The following ADGRB3 variants were observed in gnomAD, a reference collection of about 807,000 sequenced individuals.
The protein encoded by ADGRB3 is adhesion G protein-coupled receptor B3.
In ADGRB3, 37 loss-of-function variants were observed where a neutral mutation model predicts 193.4. That is an observed-to-expected ratio of 0.19 (90% CI 0.15 to 0.25). The LOEUF (loss-of-function observed/expected upper bound fraction) is 0.25. Ranked by LOEUF, ADGRB3 falls within the 10% of genes least tolerant of loss-of-function variation. The pLI is 1.00. For synonymous variants in ADGRB3, 690 were observed against 644.2 expected, an observed-to-expected ratio of 1.07 and a Z score of -1.08; for missense variants, 1,637 against 1,852.9, an observed-to-expected ratio of 0.88 and a Z score of 2.14.
intron 3 of ADGRB3, among the ~76,000 whole-genome samples, chr6:68,701,378 A>G (rs1271988213): frequency 6.6e-6 from 1 of 152,194 alleles, no homozygotes; most frequent in Non-Finnish European, 1.5e-5. Context: ...CCAACAGTAG[A>G]CATCAATCAT....
At chr6:68,983,207 T>A (rs1422105200) in intron 10 of ADGRB3, among the ~76,000 whole-genome samples, 1 of 152,004 alleles carries the variant, frequency 6.6e-6, no homozygotes, top group East Asian at 1.9e-4. Context: ...ATATCTCTAA[T>A]AAATATACTT....
At chr6:68,976,447 T>C (rs1768751151) in intron 10 of ADGRB3, among the ~76,000 whole-genome samples, 1 of 152,138 alleles carries the variant, frequency 6.6e-6, no homozygotes, top group South Asian at 2.1e-4. Flanking sequence ...CCTTGAATAA[T>C]GTGGCCGTTA....
At chr6:68,696,490 T>A (rs1237420990) in intron 3 of ADGRB3, among the ~76,000 whole-genome samples, 1 of 151,812 alleles carries the variant, frequency 6.6e-6, no homozygotes, top group East Asian at 1.9e-4. Flanking sequence ...AAATCACAAC[T>A]GAATTAACGA....
intron 3 of ADGRB3, among the ~76,000 whole-genome samples, chr6:68,671,898 A>T (rs1561989829): frequency 6.6e-6 from 1 of 151,702 alleles, no homozygotes; most frequent in Non-Finnish European, 1.5e-5. Context: ...GAGTCCCAGG[A>T]TTTTCTTTAC....
At chr6:69,087,804 A>G (rs1772593450) in intron 17 of ADGRB3, among the ~76,000 whole-genome samples, 1 of 152,228 alleles carries the variant, frequency 6.6e-6, no homozygotes, top group Non-Finnish European at 1.5e-5. Context: ...TTGTTTAGAA[A>G]GGCTTGACTA....
chr6:69,028,411 A>G (rs531832768), intron 13 of ADGRB3, among the ~76,000 whole-genome samples: 23 of 152,312 alleles, frequency 1.5e-4, no homozygotes, highest in African/African-American at 5.3e-4. Context: ...TAAGTTGGAA[A>G]TATATTTGCA....
intron 3 of ADGRB3, among the ~76,000 whole-genome samples, chr6:68,770,339 G>T (rs1245951740): frequency 2.0e-5 from 3 of 152,088 alleles, no homozygotes; most frequent in Admixed American, 2.0e-4. Flanking sequence ...TCGTCACTTT[G>T]CACATTATTT....
intron 15 of ADGRB3, among the ~76,000 whole-genome samples, chr6:69,050,145 GAA>G (rs1347846651): frequency 6.6e-6 from 1 of 152,134 alleles, no homozygotes; most frequent in Non-Finnish European, 1.5e-5. Flanking sequence ...GGAGAGGAAA[GAA>G]TATAAATGAT....
At chr6:69,047,657 G>A (rs1344867038) in intron 13 of ADGRB3, among the ~76,000 whole-genome samples, 2 of 151,846 alleles carry the variant, frequency 1.3e-5, no homozygotes, top group Non-Finnish European at 1.5e-5. Context: ...TATAGATTCT[G>A]ACAGTTCTAT....
intron 3 of ADGRB3, among the ~76,000 whole-genome samples, chr6:68,753,569 A>G (rs990203039): frequency 1.3e-5 from 2 of 152,130 alleles, no homozygotes; most frequent in Non-Finnish European, 2.9e-5. Flanking sequence ...AGGGGCGGTC[A>G]GGGGAGTTAC....
chr6:68,884,729 A>T (rs1765857065), intron 3 of ADGRB3, among the ~76,000 whole-genome samples: 1 of 152,154 alleles, frequency 6.6e-6, no homozygotes, highest in African/African-American at 2.4e-5. Context: ...TGCGCAATAC[A>T]CAAAACATAA....
At chr6:68,973,439 A>T (rs1247951285) in intron 8 of ADGRB3, among the ~76,000 whole-genome samples, 2 of 152,342 alleles carry the variant, frequency 1.3e-5, no homozygotes, top group South Asian at 4.1e-4. Context: ...TCCCCTACTG[A>T]TAACTATAAG....
chr6:68,757,457 A>T (rs1217640384), intron 3 of ADGRB3, among the ~76,000 whole-genome samples: 1 of 152,076 alleles, frequency 6.6e-6, no homozygotes, highest in Non-Finnish European at 1.5e-5. Context: ...TGTCTGACTG[A>T]CTTTTAGTTT....
At chr6:68,866,698 C>T (rs1219783408) in intron 3 of ADGRB3, among the ~76,000 whole-genome samples, 2 of 152,122 alleles carry the variant, frequency 1.3e-5, no homozygotes, top group African/African-American at 4.8e-5. Context: ...ACAATGAAGT[C>T]CAGACTGAGA....
In ADGRB3 at chr6:69,361,529, T is replaced by C; in HGVS notation, c.4239+17T>C. ...TCTTTAGAGGTGAGCCACAGAAGATTAAATTTTTCCTTGATAGTTGAAATA... is the reference window on the plus strand; with the variant it reads ...TCTTTAGAGGTGAGCCACAGAAGATCAAATTTTTCCTTGATAGTTGAAATA... On this transcript the variant is annotated intron_variant, in intron 29 of 31. Transcript: ENST00000370598. 1 of 1,596,666 alleles carries C rather than the reference T, an allele frequency of 6.3e-7. No individual in the cohort carries two copies.
In ADGRB3 at chr6:69,071,193, G is replaced by A. The variant is rs1319416881; in HGVS notation, c.2437-4802G>A. ...CTGCCTGCTCTCTCTTCTGACTTCT[G>A]CACTTTGTGAGGGTAATATAACATA... On this transcript the variant is annotated intron_variant, in intron 16 of 31. Coordinates refer to ENST00000370598, the MANE Select transcript of ADGRB3 (RefSeq NM_001704.3). 2.6e-5 allele frequency among the ~76,000 whole-genome samples: 4 copies of A among 152,160 alleles called. No individual in the cohort carries two copies. The East Asian group carries it at 7.7e-4, about 29-fold the overall frequency.
chr6:69,048,267 C>A lies in ADGRB3; in HGVS notation c.2190C>A (p.Asp730Glu), dbSNP rs768458036. 6.2e-7 allele frequency: 1 copy of A among 1,613,602 alleles called. No individual in the cohort carries two copies. Among genetic ancestry groups the A allele is most frequent in the South Asian group, 1.1e-5 (1 of 91,060 alleles). ...FPMKGRKGMVDWARNSEDRVV... is the reference protein window; with the variant it reads ...FPMKGRKGMVEWARNSEDRVV... Reference sequence around the variant, plus strand: ...TGAAAGGACGGAAGGGAATGGTTGACTGGGCAAGAAACTCAGAAGATAGGG... The same window carrying A: ...TGAAAGGACGGAAGGGAATGGTTGAATGGGCAAGAAACTCAGAAGATAGGG... Residue 730 changes from aspartate to glutamate, a missense_variant, in exon 14 of 32, where the codon GAC becomes GAA. By Grantham distance (45) the Asp-to-Glu change is conservative. Transcript: ENST00000370598.
intron 3 of ADGRB3, among the ~76,000 whole-genome samples, chr6:68,807,951 G>A (rs1179938391): frequency 6.6e-6 from 1 of 151,972 alleles, no homozygotes; most frequent in African/African-American, 2.4e-5. Context: ...TTCCCAGGGT[G>A]TCTCACTTCA....
At chr6:69,073,309 G>A (rs1202670686) in intron 16 of ADGRB3, among the ~76,000 whole-genome samples, 2 of 152,118 alleles carry the variant, frequency 1.3e-5, no homozygotes, top group Admixed American at 6.5e-5. Context: ...CGGCAGGAGA[G>A]GCTCCAAGAG....
Sources: allele counts gnomAD v4.1 joint callset (sites outside exome capture counted in the v4.1 genomes callset), GRCh38; gene constraint gnomAD v4.1.1; transcripts MANE v1.5; gene names NCBI Gene and HGNC (gene_info 2026-07-23, HGNC 2026-07-21).